CDH12: variants seen among roughly 807,000 people sequenced by gnomAD.
The protein encoded by CDH12 is cadherin-12.
Under a neutral mutation model 74.1 loss-of-function variants are expected in CDH12, and 41 were observed. The observed-to-expected ratio is 0.55, with a 90% CI of 0.43 to 0.72. The LOEUF is 0.72. Among genes scored for constraint, CDH12 ranks in the 30% least tolerant of loss-of-function variants. The pLI is 0.00. For missense variants in CDH12, 945 were observed against 977.2 expected (o/e 0.97, Z 0.44); for synonymous variants, 399 against 355.0 (o/e 1.12, Z -1.39).
chr5:22,231,062 T>C (rs1752366387), intron 3 of CDH12, among the ~76,000 whole-genome samples: 1 of 152,214 alleles, frequency 6.6e-6, no homozygotes, highest in Non-Finnish European at 1.5e-5. Flanking sequence ...CCAATGATTC[T>C]GATGACACTG....
At chr5:22,283,190 G>C (rs1033919174) in intron 3 of CDH12, among the ~76,000 whole-genome samples, 1 of 128,146 alleles carries the variant, frequency 7.8e-6, no homozygotes. Context: ...ATAATTCCTG[G>C]AGGAACATCT....
At chr5:22,196,056 T>C (rs889953233) in intron 4 of CDH12, among the ~76,000 whole-genome samples, 10 of 152,190 alleles carry the variant, frequency 6.6e-5, no homozygotes, top group African/African-American at 2.4e-4. Context: ...ACAGAAGTTT[T>C]GGTAGAAATA....
At chr5:22,601,194 T>G (rs1274316295) in intron 1 of CDH12, among the ~76,000 whole-genome samples, 4 of 152,076 alleles carry the variant, frequency 2.6e-5, no homozygotes, top group Admixed American at 2.0e-4. Context: ...TCTTAAAAAT[T>G]TTAAGTTCAA....
At chr5:22,176,153 A>G (rs1395623306) in intron 4 of CDH12, among the ~76,000 whole-genome samples, 1 of 151,890 alleles carries the variant, frequency 6.6e-6, no homozygotes, top group Non-Finnish European at 1.5e-5. Flanking sequence ...ACTTCGGGGT[A>G]TTAGGGTGTG....
At chr5:22,433,506 T>C (rs917203909) in intron 2 of CDH12, among the ~76,000 whole-genome samples, 19 of 152,102 alleles carry the variant, frequency 1.2e-4, no homozygotes, top group African/African-American at 4.6e-4. Context: ...ATTCAACAGA[T>C]ACATAAATGA....
intron 4 of CDH12, among the ~76,000 whole-genome samples, chr5:22,132,278 A>G (rs1163531942): frequency 1.8e-4 from 28 of 152,100 alleles, no homozygotes; most frequent in Middle Eastern, 3.4e-3. Flanking sequence ...GATGGAGGAA[A>G]AAAATAAAAT....
chr5:21,851,946 G>A (rs943274490), intron 7 of CDH12, among the ~76,000 whole-genome samples: 3 of 151,208 alleles, frequency 2.0e-5, no homozygotes, highest in African/African-American at 7.3e-5. Flanking sequence ...TTTCAGAATT[G>A]TTTTAAGCTG....
At chr5:22,438,135 A>G (rs887750676) in intron 2 of CDH12, among the ~76,000 whole-genome samples, 5 of 152,028 alleles carry the variant, frequency 3.3e-5, no homozygotes, top group Non-Finnish European at 7.4e-5. Flanking sequence ...ACTAAATTCA[A>G]AAATTACTTC....
chr5:22,390,793 T>C (rs910902031), intron 3 of CDH12, among the ~76,000 whole-genome samples: 10 of 152,160 alleles, frequency 6.6e-5, no homozygotes, highest in Non-Finnish European at 1.0e-4. Flanking sequence ...TGAGACTCTA[T>C]ATAAATCATT....
chr5:22,058,315 C>T (rs1310738172), intron 5 of CDH12, among the ~76,000 whole-genome samples: 1 of 152,144 alleles, frequency 6.6e-6, no homozygotes. Context: ...CCTCGGCCTC[C>T]CAAAGTGCTG....
intron 6 of CDH12, among the ~76,000 whole-genome samples, chr5:21,877,416 C>CTATT (rs1689459014): frequency 6.6e-6 from 1 of 151,952 alleles, no homozygotes; most frequent in South Asian, 2.1e-4. Context: ...ATTTATTTAT[C>CTATT]TATTTATTTA....
chr5:22,543,153 G>A (rs1738177470), intron 1 of CDH12, among the ~76,000 whole-genome samples: 2 of 152,056 alleles, frequency 1.3e-5, no homozygotes, highest in South Asian at 2.1e-4. Context: ...AATGCCAAAT[G>A]AGGTTAAAAA....
At chr5:22,795,664 A>T (rs1748159523) in intron 1 of CDH12, among the ~76,000 whole-genome samples, 1 of 151,622 alleles carries the variant, frequency 6.6e-6, no homozygotes, top group South Asian at 2.1e-4. Context: ...AGAGTTGAAT[A>T]CACATACAAG....
At chr5:22,096,599 C>T (rs751189516) in intron 4 of CDH12, among the ~76,000 whole-genome samples, 18 of 152,228 alleles carry the variant, frequency 1.2e-4, no homozygotes, top group Admixed American at 5.9e-4. Flanking sequence ...AGTTTCTTTC[C>T]GCTACTAGCC....
At chr5:22,030,955 T>A (rs1022198811) in intron 5 of CDH12, among the ~76,000 whole-genome samples, 2 of 152,214 alleles carry the variant, frequency 1.3e-5, no homozygotes, top group African/African-American at 4.8e-5. Flanking sequence ...AGCTGCAGAC[T>A]TTTTCTCTGC....
At chr5:22,423,041 A>T (rs1743724505) in intron 2 of CDH12, among the ~76,000 whole-genome samples, 1 of 152,100 alleles carries the variant, frequency 6.6e-6, no homozygotes, top group African/African-American at 2.4e-5. Flanking sequence ...AGAGGGTTGA[A>T]ATTTAATAAT....
In CDH12 at chr5:21,998,169, T is replaced by A. The variant is rs1011350634; in HGVS notation, c.232-22784A>T. Among the ~76,000 whole-genome samples the A allele has an allele frequency of 5.3e-5, 8 of 152,060 alleles. No individual in the cohort carries two copies. In the East Asian group the frequency reaches 1.5e-3, roughly 29 times the overall value. On this transcript the variant is annotated intron_variant, in intron 5 of 14. Transcript: ENST00000382254. ...TCTTATGTAACTGTTAATTTTTCCC[T>A]TCCTTGGCTCTATGTATTTAATTAT... is the stretch of plus-strand genomic sequence containing the variant.
At chr5:22,813,600 T>TTA (rs1422332801) in intron 1 of CDH12, among the ~76,000 whole-genome samples, 1 of 152,092 alleles carries the variant, frequency 6.6e-6, no homozygotes, top group Non-Finnish European at 1.5e-5. Context: ...TGTGATAATG[T>TTA]TACATACAAT....
chr5:22,471,834 T>G (rs1745971664), intron 2 of CDH12, among the ~76,000 whole-genome samples: 1 of 152,212 alleles, frequency 6.6e-6, no homozygotes, highest in Admixed American at 6.5e-5. Context: ...GTAGATTATT[T>G]TACTCCAGAT....
Sources: gnomAD v4.1 joint callset for allele counts (sites outside exome capture counted in the v4.1 genomes callset) on GRCh38, gnomAD v4.1.1 for gene constraint, MANE v1.5 for transcripts, NCBI Gene and HGNC (gene_info 2026-07-23, HGNC 2026-07-21) for gene names.